The following FUT9 variants were observed in gnomAD, a reference collection of about 807,000 sequenced individuals.
FUT9 encodes fucosyltransferase 9.
In FUT9, 15 loss-of-function variants were observed where a neutral mutation model predicts 29.7. The observed-to-expected ratio is 0.51, with a 90% CI of 0.34 to 0.78. FUT9 has a LOEUF of 0.78. Among genes scored for constraint, FUT9 ranks in the 30% least tolerant of loss-of-function variants. The pLI, the probability that FUT9 is intolerant of heterozygous loss-of-function variation, is 0.01. For synonymous variants in FUT9, 169 were observed against 153.7 expected, an observed-to-expected ratio of 1.10 and a Z score of -0.74; for missense variants, 319 against 425.4, an observed-to-expected ratio of 0.75 and a Z score of 2.20.
chr6:96,115,233 C>A (rs1771888552), intron 2 of FUT9, among the ~76,000 whole-genome samples: 1 of 152,110 alleles, frequency 6.6e-6, no homozygotes, highest in Non-Finnish European at 1.5e-5. Context: ...TAAAAATAAG[C>A]AGGTGAAATG....
intron 2 of FUT9, among the ~76,000 whole-genome samples, chr6:96,199,613 C>T (rs1219845879): frequency 6.6e-6 from 1 of 151,976 alleles, no homozygotes; most frequent in African/African-American, 2.4e-5. Context: ...AACTTTGAGA[C>T]AAAACAGAGA....
At chr6:96,086,170 C>T (rs1771313001) in intron 1 of FUT9, among the ~76,000 whole-genome samples, 1 of 152,162 alleles carries the variant, frequency 6.6e-6, no homozygotes, top group African/African-American at 2.4e-5. Flanking sequence ...AGACTTTTCT[C>T]CAGACCGCAT....
intron 1 of FUT9, among the ~76,000 whole-genome samples, chr6:96,041,511 G>A (rs1770458476): frequency 6.6e-6 from 1 of 152,052 alleles, no homozygotes; most frequent in Non-Finnish European, 1.5e-5. Context: ...TTTCTATGCA[G>A]GAAAATAATG....
chr6:96,059,454 C>CCT (rs1770834432), intron 1 of FUT9, among the ~76,000 whole-genome samples: 1 of 152,188 alleles, frequency 6.6e-6, no homozygotes, highest in African/African-American at 2.4e-5. Context: ...AGTGATTTTA[C>CCT]TCTGGACCAT....
At chr6:96,096,684 A>ATATGTGTGTGTGTG (rs1554192320) in intron 1 of FUT9, among the ~76,000 whole-genome samples, 3 of 140,766 alleles carry the variant, frequency 2.1e-5, no homozygotes, top group Non-Finnish European at 3.0e-5. Flanking sequence ...TGTCTAAGGC[A>ATATGTGTGTGTGTG]TGTGTGTGTG....
rs1457859844 is a variant in FUT9 at position 96,021,411 on chromosome 6, T to C, written c.-98+5199T>C. Among the ~76,000 whole-genome samples the C allele has an allele frequency of 2.0e-5, 3 of 151,938 alleles. No homozygotes were observed. In the East Asian group the frequency reaches 5.8e-4, roughly 29 times the overall value. ...GGTAATCTTTTAATGGAAATGTAACTAAGTATATACTTTTAAAGTAAGTAG... is the reference window on the plus strand; with the variant it reads ...GGTAATCTTTTAATGGAAATGTAACCAAGTATATACTTTTAAAGTAAGTAG... On this transcript the variant is annotated intron_variant, in intron 1 of 2. Coordinates refer to ENST00000302103, the MANE Select transcript of FUT9 (RefSeq NM_006581.4).
At chr6:96,048,146 G>A (rs1770598535) in intron 1 of FUT9, among the ~76,000 whole-genome samples, 2 of 152,002 alleles carry the variant, frequency 1.3e-5, no homozygotes, top group African/African-American at 2.4e-5. Context: ...GCAAGTAAAG[G>A]GTCTCTATTT....
At chr6:96,150,441 A>C (rs889536958) in intron 2 of FUT9, among the ~76,000 whole-genome samples, 6 of 152,184 alleles carry the variant, frequency 3.9e-5, no homozygotes, top group Non-Finnish European at 5.9e-5. Flanking sequence ...AGTGTGTGAA[A>C]GAGAACAATG....
intron 2 of FUT9, among the ~76,000 whole-genome samples, chr6:96,135,786 A>G (rs34421963): frequency 0.34 from 51,315 of 151,560 alleles, 10,333 homozygotes; most frequent in Middle Eastern, 0.5. Flanking sequence ...AAAATTTGAT[A>G]AAGGTTAGAT....
At chr6:96,076,228 G>T (rs1401048848) in intron 1 of FUT9, among the ~76,000 whole-genome samples, 1 of 152,088 alleles carries the variant, frequency 6.6e-6, no homozygotes, top group Non-Finnish European at 1.5e-5. Flanking sequence ...TTGATGTCAA[G>T]ATTTAAGGAA....
chr6:96,033,652 C>G (rs1311546588), intron 1 of FUT9, among the ~76,000 whole-genome samples: 2 of 151,590 alleles, frequency 1.3e-5, no homozygotes, highest in African/African-American at 2.4e-5. Context: ...ATAAATAGCA[C>G]AGAATATGTT....
Position 96,130,964 on chromosome 6 carries a change from A to G in FUT9, c.-9+16837A>G, listed in dbSNP as rs951964634. Among the ~76,000 whole-genome samples the G allele has an allele frequency of 2.6e-5, 4 of 152,244 alleles. No homozygotes were observed. The East Asian group carries it at 5.8e-4, about 22-fold the overall frequency. On this transcript the variant is annotated intron_variant, in intron 2 of 2. Transcript: ENST00000302103. ...CCTTTTTGAGGAATCAGTACACCATAGTGGTCGTCCCTGCTTATAAGACGG... is the reference window on the plus strand; with the variant it reads ...CCTTTTTGAGGAATCAGTACACCATGGTGGTCGTCCCTGCTTATAAGACGG...
intron 2 of FUT9, among the ~76,000 whole-genome samples, chr6:96,140,119 G>T (rs911556162): frequency 1.3e-5 from 2 of 152,066 alleles, no homozygotes; most frequent in Admixed American, 1.3e-4. Flanking sequence ...TAAGTTCAAA[G>T]TTTTACAGAT....
intron 2 of FUT9, among the ~76,000 whole-genome samples, chr6:96,118,256 T>C (rs370156961): frequency 6.6e-6 from 1 of 151,372 alleles, no homozygotes; most frequent in African/African-American, 2.4e-5. Context: ...TTATTGCTAA[T>C]TTATTTCTGT....
In FUT9 at chr6:96,215,529, A is replaced by C. The variant is rs1474188561; in HGVS notation, c.*11294A>C. ...ATTTAGCACTGGAGTTATTCCTTGA[A>C]TGTGTAAATAATGATGTTCTATTCT... On this transcript the variant is annotated 3_prime_UTR_variant, in exon 3 of 3. Transcript: ENST00000302103. The C allele has an allele frequency of 1.2e-5, 2 of 166,600 alleles. No homozygotes were observed. The highest frequency in any genetic ancestry group is 2.9e-5 in the Non-Finnish European group (2 of 68,070). The allele number at this position is 166,600 out of a possible 1,614,324, so 10.3% of individuals were successfully genotyped here.
At chr6:96,191,593 C>T (rs1489700966) in intron 2 of FUT9, among the ~76,000 whole-genome samples, 18 of 152,114 alleles carry the variant, frequency 1.2e-4, no homozygotes, top group Admixed American at 1.1e-3. Context: ...TAATTAATAG[C>T]TTACCAACTA....
At chr6:96,173,314 T>C (rs1363796476) in intron 2 of FUT9, among the ~76,000 whole-genome samples, 1 of 152,096 alleles carries the variant, frequency 6.6e-6, no homozygotes, top group Non-Finnish European at 1.5e-5. Flanking sequence ...TATTGTCTTG[T>C]TTACTTTCTT....
At chr6:96,067,951 G>A (rs1005825433) in intron 1 of FUT9, among the ~76,000 whole-genome samples, 52 of 152,216 alleles carry the variant, frequency 3.4e-4, no homozygotes, top group African/African-American at 1.2e-3. Context: ...GGTGTCTGGA[G>A]TATAATAGGT....
At chr6:96,023,485 G>A (rs1770109684) in intron 1 of FUT9, among the ~76,000 whole-genome samples, 1 of 151,870 alleles carries the variant, frequency 6.6e-6, no homozygotes, top group African/African-American at 2.4e-5. Context: ...GATGGCAAAT[G>A]GCAGAGGAAT....
Sources: gnomAD v4.1 joint callset for allele counts (sites outside exome capture counted in the v4.1 genomes callset) on GRCh38, gnomAD v4.1.1 for gene constraint, MANE v1.5 for transcripts, NCBI Gene and HGNC (gene_info 2026-07-23, HGNC 2026-07-21) for gene names.